Variants in F5 observed in about 807,000 individuals in gnomAD.
F5 encodes coagulation factor V.
Under a neutral mutation model 216.4 loss-of-function variants are expected in F5, and 138 were observed. The observed-to-expected ratio is 0.64, with a 90% CI of 0.56 to 0.73. The LOEUF (loss-of-function observed/expected upper bound fraction) is 0.73, where lower values mean the gene tolerates loss of function less well. F5 is among the 30% of genes least tolerant of loss of function. The probability of loss-of-function intolerance (pLI) is 0.00; values close to 1 mark genes in which losing one functional copy is unlikely to be tolerated. For missense variants in F5, 2,403 were observed against 2,674.0 expected, an observed-to-expected ratio of 0.90 and a Z score of 2.24; for synonymous variants, 916 against 930.7, an observed-to-expected ratio of 0.98 and a Z score of 0.29.
At chr1:169,558,492 A>G (rs1219800428) in intron 5 of F5, among the ~76,000 whole-genome samples, 1 of 152,180 alleles carries the variant, frequency 6.6e-6, no homozygotes, top group African/African-American at 2.4e-5. Flanking sequence ...AATATGGTTT[A>G]TTTAGTAAAG....
In F5 at chr1:169,556,710, T is replaced by C; in HGVS notation, c.888A>G (p.Ala296=). 1 of 1,614,134 alleles carries C rather than the reference T, an allele frequency of 6.2e-7. No homozygotes were observed. Among genetic ancestry groups the C allele is most frequent in the Non-Finnish European group, 8.5e-7 (1 of 1,180,012 alleles). ...TTCCCTCTGGGCCCACAGTCATATT[T>C]GCGGTAGTGGATGTAGCACTGACAA... The part of the protein sequence containing the change: ...ITLVSATSTT[A]NMTVGPEGKW... Residue 296 remains alanine (A), a synonymous_variant, in exon 6 of 25, where the codon GCA becomes GCG. Transcript: ENST00000367797.
At position 169,555,334 on chromosome 1, in the gene F5, A is replaced by T. The variant is rs1181345470; in HGVS notation, c.966T>A (p.Ala322=). 1.2e-6 allele frequency: 2 copies of T among 1,613,990 alleles called. No individual in the cohort carries two copies. Among genetic ancestry groups the T allele is most frequent in the Non-Finnish European group, 8.5e-7 (1 of 1,180,000 alleles). ...TTGGGCAGTTTTTAATGTCAATGTAAGCCTGCATCCCAGCTGAGTTAGGAC... is the reference window on the plus strand; with the variant it reads ...TTGGGCAGTTTTTAATGTCAATGTATGCCTGCATCCCAGCTGAGTTAGGAC... ...TPKHLQAGMQ[A]YIDIKNCPKK... is the part of the protein sequence containing the mutation. The change falls in exon 7 of 25, where the codon GCT becomes GCA. Residue 322 remains alanine (A), a synonymous_variant. Transcript: ENST00000367797.
At position 169,541,620 on chromosome 1, in the gene F5, A is replaced by T; in HGVS notation, c.3470T>A (p.Leu1157His). Reference sequence around the variant, plus strand: ...GGACTTGTGACTTCGGTCATACTCAAGCATTTCACTGAGCTCTGGAGAAGA... The same window carrying T: ...GGACTTGTGACTTCGGTCATACTCATGCATTTCACTGAGCTCTGGAGAAGA... ...RSSSPELSEM[L>H]EYDRSHKSFP... Residue 1157 changes from leucine (L) to histidine (H), a missense_variant, in exon 13 of 25, where the codon CTT becomes CAT. Leu to His is a moderately conservative substitution (Grantham distance 99, BLOSUM62 -3). Around this residue, in one of 4 missense-constraint regions of F5, gnomAD observed 1,425 missense variants for 1,554.8 expected, o/e 0.92. Transcript: ENST00000367797. 6.2e-7 allele frequency: 1 copy of T among 1,614,102 alleles called. No homozygotes were observed. The highest frequency in any genetic ancestry group is 8.5e-7 in the Non-Finnish European group (1 of 1,179,982).
chr1:169,556,581 G>C, intron 6 of F5, 65 bp downstream of exon 6: 1 of 1,496,486 alleles, frequency 6.7e-7, no homozygotes, highest in Non-Finnish European at 9.3e-7. Flanking sequence ...GGAGAAAGAG[G>C]GAGTTAGTGC....
At chr1:169,514,558 G>C in intron 24 of F5, 99 bp from the exon 25 acceptor site, 1 of 1,039,476 alleles carries the variant, frequency 9.6e-7, no homozygotes, top group South Asian at 1.4e-5. Context: ...TGTTGCCCAG[G>C]CTTGAGTCCA....
chr1:169,536,377 A>C lies in F5; in HGVS notation c.4971+129T>G. ...GCTTGGCAAGGAGTCTTTGAAAAGA[A>C]ATGTAATTATTCATTAATCCTGGAA... On this transcript the variant is annotated intron_variant, in intron 14 of 24. Transcript: ENST00000367797. The C allele has an allele frequency of 1.2e-5, 9 of 775,942 alleles. No homozygotes were observed. In the South Asian group the frequency reaches 1.4e-4, roughly 12 times the overall value. 48.1% of individuals were successfully genotyped at this position (775,942 alleles called of 1,614,324 possible). A position where few individuals can be genotyped will look rare whatever the true frequency, so the allele number is the denominator to read the frequency against.
rs1659495664 is a variant in F5, at chr1:169,527,852, G to A, written c.5599+63C>T. ...ATGCACAAGGAAGAAATGAGAAGGA[G>A]TTACAGATTGCCTTTTCCCTGTATT... On this transcript the variant is annotated intron_variant, in intron 17 of 24. Coordinates refer to ENST00000367797, the MANE Select transcript of F5 (RefSeq NM_000130.5). The A allele has an allele frequency of 1.9e-6, 3 of 1,584,888 alleles. No homozygotes were observed. The African/African-American group carries it at 4.0e-5, about 21-fold the overall frequency.
chr1:169,579,122 T>G (rs899695776), intron 2 of F5, among the ~76,000 whole-genome samples: 17 of 151,622 alleles, frequency 1.1e-4, no homozygotes, highest in African/African-American at 4.1e-4. Context: ...AAGACCCTTG[T>G]GCTTCAGTTT....
rs190471833 is a variant in F5 at position 169,572,781 on chromosome 1, C to T, written c.251-438G>A. 4.6e-5 allele frequency among the ~76,000 whole-genome samples: 7 copies of T among 152,252 alleles called. No homozygotes were observed. In the East Asian group the frequency reaches 1.4e-3, roughly 29 times the overall value. On this transcript the variant is annotated intron_variant, in intron 2 of 24. Coordinates refer to ENST00000367797, the MANE Select transcript of F5 (RefSeq NM_000130.5). The stretch of plus-strand genomic sequence containing the variant: ...GGAACCAAATCACACAGCTCTCTGG[C>T]TCTGAGGCAGGAGTAGTCTTGATGT...
At chr1:169,561,744 G>A (rs983243473) in intron 3 of F5, among the ~76,000 whole-genome samples, 3 of 152,000 alleles carry the variant, frequency 2.0e-5, no homozygotes, top group Non-Finnish European at 1.5e-5. Context: ...AATTCTTTAC[G>A]AGAAGAAGGT....
Position 169,520,564 on chromosome 1 carries a change from T to C in F5, c.6149A>G (p.Asn2050Ser), listed in dbSNP as rs1267300622. ...CAGTTCCAATCGAAGGGTAGGTCTG[T>C]TATAGGCTCGAGTTGGAGAGATCCT... ...YIRISPTRAY[N>S]RPTLRLELQG... The change falls in exon 22 of 25, where the codon AAC becomes AGC. Residue 2050 changes from asparagine to serine, a missense_variant. Around this residue, in one of 4 missense-constraint regions of F5, gnomAD observed 659 missense variants for 787.9 expected, o/e 0.84. Transcript: ENST00000367797. 6 of 1,614,074 alleles carry C rather than the reference T, an allele frequency of 3.7e-6. No homozygotes were observed. Among genetic ancestry groups the C allele is most frequent in the Admixed American group, 1.7e-5 (1 of 60,024 alleles).
chr1:169,562,450 T>C (rs1660505213), intron 3 of F5, among the ~76,000 whole-genome samples: 1 of 152,152 alleles, frequency 6.6e-6, no homozygotes, highest in Non-Finnish European at 1.5e-5. Context: ...ATTGTAGTGT[T>C]CTTTCCATTT....
At chr1:169,553,503 T>C (rs2101827833) in intron 7 of F5, among the ~76,000 whole-genome samples, 1 of 152,276 alleles carries the variant, frequency 6.6e-6, no homozygotes, top group African/African-American at 2.4e-5. Flanking sequence ...GGTCAGGAGA[T>C]CGAGACCATC....
chr1:169,521,354 A>G (rs9332655), intron 21 of F5, among the ~76,000 whole-genome samples: 37,572 of 152,030 alleles, frequency 0.25, 4,842 homozygotes, highest in Admixed American at 0.34. Context: ...CCCCTGCAGT[A>G]TCAGTGGAGG....
chr1:169,546,977 AAAAAAAG>A (rs200211557), intron 10 of F5, among the ~76,000 whole-genome samples: 29,554 of 138,926 alleles, frequency 0.21, 3,058 homozygotes, highest in East Asian at 0.3. Flanking sequence ...AAAAAAAAAA[AAAAAAAG>A]AAAAGAAAAG....
intron 2 of F5, among the ~76,000 whole-genome samples, chr1:169,578,621 A>C (rs1462459651): frequency 6.6e-6 from 1 of 152,160 alleles, no homozygotes; most frequent in African/African-American, 2.4e-5. Flanking sequence ...TTCCCACCTT[A>C]TATTCCCTTC....
chr1:169,544,200 T>G, intron 12 of F5, 96 bp downstream of exon 12: 1 of 985,764 alleles, frequency 1.0e-6, no homozygotes, highest in Non-Finnish European at 1.6e-6. Flanking sequence ...GGGAGATACA[T>G]AGAGGAGCAC....
At chr1:169,572,889 A>G (rs542032682) in intron 2 of F5, among the ~76,000 whole-genome samples, 3 of 151,912 alleles carry the variant, frequency 2.0e-5, no homozygotes, top group South Asian at 2.1e-4. Context: ...GGGAGGCCCT[A>G]TGGGCTACGG....
At chr1:169,576,242 G>A (rs1660847224) in intron 2 of F5, among the ~76,000 whole-genome samples, 1 of 152,138 alleles carries the variant, frequency 6.6e-6, no homozygotes, top group South Asian at 2.1e-4. Context: ...GCAGTAACTG[G>A]TTACAGAAGC....
Sources: gnomAD v4.1 joint callset for allele counts (sites outside exome capture counted in the v4.1 genomes callset) on GRCh38, gnomAD v4.1.1 for gene constraint, gnomAD v4.1.1 regional missense constraint, MANE v1.5 for transcripts, NCBI Gene and HGNC (gene_info 2026-07-23, HGNC 2026-07-21) for gene names.